Variants in KCNH5 observed in about 807,000 individuals in gnomAD.
KCNH5 encodes the protein voltage-gated delayed rectifier potassium channel KCNH5.
Under a neutral mutation model 96.1 loss-of-function variants are expected in KCNH5, and 46 were observed. The observed-to-expected ratio is 0.48, with a 90% confidence interval of 0.38 to 0.61. KCNH5 has a LOEUF of 0.61. Ranked by LOEUF, KCNH5 falls within the 20% of genes least tolerant of loss-of-function variation. The probability of loss-of-function intolerance (pLI) is 0.00; values close to 1 mark genes in which losing one functional copy is unlikely to be tolerated. For missense variants in KCNH5, 907 were observed against 1,225.8 expected (o/e 0.74, Z 3.88); for synonymous variants, 439 against 449.8 (o/e 0.98, Z 0.30).
intron 7 of KCNH5, among the ~76,000 whole-genome samples, chr14:62,949,516 T>TA (rs1889958503): frequency 6.6e-6 from 1 of 152,192 alleles, no homozygotes; most frequent in South Asian, 2.1e-4. Context: ...TTTGTTCCTT[T>TA]AGGGGGTATT....
intron 4 of KCNH5, among the ~76,000 whole-genome samples, chr14:62,998,239 A>G (rs1890946693): frequency 6.6e-6 from 1 of 152,206 alleles, no homozygotes; most frequent in African/African-American, 2.4e-5. Flanking sequence ...GGTCTGTTTC[A>G]TCCAATTTAT....
chr14:62,707,428 A>AAT lies in KCNH5; in HGVS notation c.*78_*79dup, dbSNP rs1229434954. The AAT allele has an allele frequency of 4.4e-6, 3 of 674,996 alleles. No homozygotes were observed. Among genetic ancestry groups the AAT allele is most frequent in the Non-Finnish European group, 6.4e-6 (3 of 469,372 alleles). 41.8% of individuals were successfully genotyped at this position (674,996 alleles called of 1,614,324 possible). A position where few individuals can be genotyped will look rare whatever the true frequency, so the allele number is the denominator to read the frequency against. On this transcript the variant is annotated 3_prime_UTR_variant, in exon 11 of 11. Transcript: ENST00000322893. Reference sequence around the variant, plus strand: ...GGTCATCATCTTGAAAGCAAGTGAAAATATATATATGTATATACTGTATAT... The same window carrying AAT: ...GGTCATCATCTTGAAAGCAAGTGAAAATATATATATATGTATATACTGTATAT...
In KCNH5 at chr14:62,950,054, C is replaced by A. The variant is rs765135367; in HGVS notation, c.1369+79G>T. The A allele has an allele frequency of 4.1e-6, 5 of 1,228,032 alleles. No individual in the cohort carries two copies. In the South Asian group the frequency reaches 6.5e-5, roughly 16 times the overall value. 76.1% of individuals were successfully genotyped at this position (1,228,032 alleles called of 1,614,324 possible). On this transcript the variant is annotated intron_variant, in intron 7 of 10. Transcript: ENST00000322893. ...ATACCTTTCTGTAAACAAAGTAGTTCGTTTTCATCCTATCTGAGATTGTAG... is the reference window on the plus strand; with the variant it reads ...ATACCTTTCTGTAAACAAAGTAGTTAGTTTTCATCCTATCTGAGATTGTAG...
At chr14:62,862,372 T>A (rs9888605) in intron 7 of KCNH5, among the ~76,000 whole-genome samples, 21,321 of 152,126 alleles carry the variant, frequency 0.14, 1,774 homozygotes, top group East Asian at 0.28. Flanking sequence ...AAATCATGTC[T>A]TAATATGTCT....
chr14:62,911,457 C>G (rs149513914), intron 7 of KCNH5, among the ~76,000 whole-genome samples: 5 of 151,582 alleles, frequency 3.3e-5, no homozygotes, highest in African/African-American at 1.2e-4. Context: ...TAGAATGTTT[C>G]CATGGAACTT....
At chr14:62,956,099 T>A (rs1051076212) in intron 6 of KCNH5, among the ~76,000 whole-genome samples, 1 of 152,190 alleles carries the variant, frequency 6.6e-6, no homozygotes, top group African/African-American at 2.4e-5. Flanking sequence ...ACATTAAGCA[T>A]AATCTCTTGA....
intron 7 of KCNH5, among the ~76,000 whole-genome samples, chr14:62,928,605 A>C (rs1193750731): frequency 6.6e-6 from 1 of 152,050 alleles, no homozygotes; most frequent in Non-Finnish European, 1.5e-5. Context: ...GTTTGCCCCC[A>C]AGATTACATC....
Position 63,016,848 on chromosome 14 carries a change from C to T in KCNH5, c.180G>A (p.Gln60=). The change falls in exon 2 of 11, where the codon CAG becomes CAA. Residue 60 remains glutamine (Q), a synonymous_variant. Coordinates refer to ENST00000322893, the MANE Select transcript of KCNH5 (RefSeq NM_139318.5). ...TTACCTACCTGCAAGTGCTGCTTTT[C>T]TGCATGACGTCAGCTCGATGATATC... The part of the protein sequence containing the change: ...LSGYHRADVM[Q]KSSTCSFMYG... The T allele has an allele frequency of 6.2e-7, 1 of 1,610,654 alleles. No individual in the cohort carries two copies.
chr14:62,937,986 A>G (rs1241418939), intron 7 of KCNH5, among the ~76,000 whole-genome samples: 1 of 152,154 alleles, frequency 6.6e-6, no homozygotes, highest in East Asian at 1.9e-4. Flanking sequence ...AGTCTAAGAA[A>G]AGTTCCCGAG....
chr14:62,941,820 C>T (rs1889795435), intron 7 of KCNH5, among the ~76,000 whole-genome samples: 1 of 152,068 alleles, frequency 6.6e-6, no homozygotes, highest in Admixed American at 6.6e-5. Flanking sequence ...TAGGAAAGGG[C>T]AACAACCCAC....
Position 63,019,894 on chromosome 14 carries a change from AC to A in KCNH5, c.74-2941del, listed in dbSNP as rs1891393340. Among the ~76,000 whole-genome samples, 4 of 152,214 alleles carry A rather than the reference AC, an allele frequency of 2.6e-5. No homozygotes were observed. The South Asian group carries it at 8.3e-4, about 32-fold the overall frequency. On this transcript the variant is annotated intron_variant, in intron 1 of 10. Transcript: ENST00000322893. Reference sequence around the variant, plus strand: ...ACATTCTCAAGAAAATGAAATGGAAACCTACAGCCTGGGAGAAAATACTTTT... The same window carrying A: ...ACATTCTCAAGAAAATGAAATGGAAACTACAGCCTGGGAGAAAATACTTTT...
At chr14:62,917,518 G>T (rs1595683833) in intron 7 of KCNH5, among the ~76,000 whole-genome samples, 1 of 152,216 alleles carries the variant, frequency 6.6e-6, no homozygotes, top group East Asian at 1.9e-4. Flanking sequence ...CTGTGAATGA[G>T]AAATTTATCT....
chr14:63,016,006 C>T (rs1341541582), intron 2 of KCNH5, among the ~76,000 whole-genome samples: 2 of 151,018 alleles, frequency 1.3e-5, no homozygotes, highest in African/African-American at 4.9e-5. Context: ...TGGGCAAGTC[C>T]CTTAACATAG....
chr14:62,931,970 A>T (rs1296167251), intron 7 of KCNH5, among the ~76,000 whole-genome samples: 1 of 152,190 alleles, frequency 6.6e-6, no homozygotes, highest in Non-Finnish European at 1.5e-5. Context: ...AGATCAGTGC[A>T]AGGGCTATGT....
intron 1 of KCNH5, among the ~76,000 whole-genome samples, chr14:63,024,208 C>CAAAAAAAAAAAAAAAA (rs574336970): frequency 1.4e-4 from 20 of 140,272 alleles, no homozygotes; most frequent in South Asian, 2.2e-4. Context: ...GACTCCATCT[C>CAAAAAAAAAAAAAAAA]AAAAAATATA....
chr14:62,740,616 C>T (rs1329784318), intron 10 of KCNH5, among the ~76,000 whole-genome samples: 2 of 152,154 alleles, frequency 1.3e-5, no homozygotes, highest in African/African-American at 4.8e-5. Flanking sequence ...TATATTTCAA[C>T]CTCATTCTGA....
In KCNH5 at chr14:62,705,972, G is replaced by A. The variant is rs1183557303; in HGVS notation, c.*1536C>T. 6.6e-6 allele frequency: 1 copy of A among 151,978 alleles called. No individual in the cohort carries two copies. The highest frequency in any genetic ancestry group is 1.5e-5 in the Non-Finnish European group (1 of 67,948). The allele number at this position is 151,978 out of a possible 1,614,324, so 9.4% of individuals were successfully genotyped here. On this transcript the variant is annotated 3_prime_UTR_variant, in exon 11 of 11. Transcript: ENST00000322893. ...TCCCCTGCTCCCCATATTAAATGCT[G>A]TGCATGCACTGACTGAAAAGTATGC...
chr14:62,753,401 TAG>T (rs541474775), intron 10 of KCNH5, among the ~76,000 whole-genome samples: 1 of 152,048 alleles, frequency 6.6e-6, no homozygotes, highest in Non-Finnish European at 1.5e-5. Context: ...AAAGAGAAGG[TAG>T]AGAGACAGAG....
chr14:62,973,504 A>T (rs895491143), intron 6 of KCNH5, among the ~76,000 whole-genome samples: 2 of 152,152 alleles, frequency 1.3e-5, no homozygotes, highest in African/African-American at 4.8e-5. Context: ...GTCTTCTGCT[A>T]CATGAAGACA....
Sources: gnomAD v4.1 joint callset for allele counts (sites outside exome capture counted in the v4.1 genomes callset) on GRCh38, gnomAD v4.1.1 for gene constraint, MANE v1.5 for transcripts, NCBI Gene and HGNC (gene_info 2026-07-23, HGNC 2026-07-21) for gene names.